The following SDK1 variants were observed in gnomAD, a reference collection of about 807,000 sequenced individuals.
SDK1 encodes the protein sidekick cell adhesion molecule 1, also known as protein sidekick-1.
In SDK1, 157 loss-of-function variants were observed where a neutral mutation model predicts 245.5. That is an observed-to-expected ratio of 0.64 (90% CI 0.56 to 0.73). The LOEUF (loss-of-function observed/expected upper bound fraction) is 0.73. Ranked by LOEUF, SDK1 falls within the 30% of genes least tolerant of loss-of-function variation. The pLI is 0.00. For missense variants in SDK1, 3,583 were observed against 3,002.3 expected (o/e 1.19, Z -4.52); for synonymous variants, 1,647 against 1,278.5 (o/e 1.29, Z -6.15).
intron 1 of SDK1, among the ~76,000 whole-genome samples, chr7:3,534,324 C>T (rs1203856182): frequency 6.6e-6 from 1 of 152,106 alleles, no homozygotes; most frequent in Non-Finnish European, 1.5e-5. Flanking sequence ...TGTGTCTTGG[C>T]TATTGTGGAT....
intron 5 of SDK1, among the ~76,000 whole-genome samples, chr7:3,927,878 C>T (rs960768730): frequency 6.6e-6 from 1 of 152,138 alleles, no homozygotes; most frequent in African/African-American, 2.4e-5. Context: ...AATGGTTGTT[C>T]CTCACCGCAG....
chr7:3,727,686 T>G (rs932913631), intron 4 of SDK1, among the ~76,000 whole-genome samples: 14 of 152,164 alleles, frequency 9.2e-5, no homozygotes, highest in African/African-American at 3.4e-4. Context: ...AGACGGGGTT[T>G]CACCATGTTG....
intron 31 of SDK1, among the ~76,000 whole-genome samples, chr7:4,159,143 C>T (rs1562367613): frequency 6.6e-6 from 1 of 152,196 alleles, no homozygotes; most frequent in African/African-American, 2.4e-5. Flanking sequence ...GGCTGGAAAC[C>T]CAGTACTTAG....
intron 2 of SDK1, among the ~76,000 whole-genome samples, chr7:3,623,233 A>G (rs377218867): frequency 6.7e-6 from 1 of 149,708 alleles, no homozygotes; most frequent in Non-Finnish European, 1.5e-5. Flanking sequence ...GTGAATTTCA[A>G]GTGTTGTATT....
chr7:4,068,110 A>C (rs1780016175), intron 20 of SDK1, among the ~76,000 whole-genome samples, 174 bp downstream of exon 20: 1 of 152,204 alleles, frequency 6.6e-6, no homozygotes, highest in African/African-American at 2.4e-5. Flanking sequence ...GGACTGCCCC[A>C]GTGAGAGCCA....
intron 4 of SDK1, among the ~76,000 whole-genome samples, chr7:3,764,817 G>C (rs1235024408): frequency 6.6e-6 from 1 of 152,004 alleles, no homozygotes; most frequent in Non-Finnish European, 1.5e-5. Flanking sequence ...TATGTAAATT[G>C]AATTCAGAAA....
chr7:3,504,158 A>C (rs192214211), intron 1 of SDK1, among the ~76,000 whole-genome samples: 28 of 149,238 alleles, frequency 1.9e-4, no homozygotes, highest in Middle Eastern at 3.5e-3. Flanking sequence ...TCAAAAAAAA[A>C]CCAAAAAAAT....
At chr7:3,994,347 G>C (rs904409355) in intron 14 of SDK1, among the ~76,000 whole-genome samples, 5 of 152,178 alleles carry the variant, frequency 3.3e-5, no homozygotes, top group Non-Finnish European at 7.3e-5. Context: ...TTCCAAGTTA[G>C]AGATAATGTC....
intron 1 of SDK1, among the ~76,000 whole-genome samples, chr7:3,352,587 C>A (rs1258104752): frequency 2.0e-5 from 3 of 152,126 alleles, no homozygotes; most frequent in African/African-American, 7.2e-5. Flanking sequence ...ATTTGAGGCT[C>A]AGACAAGCTG....
At chr7:3,893,548 G>A (rs993163448) in intron 5 of SDK1, among the ~76,000 whole-genome samples, 8 of 152,018 alleles carry the variant, frequency 5.3e-5, no homozygotes, top group African/African-American at 1.9e-4. Context: ...TTCAGGGTAA[G>A]CAACCTCACA....
chr7:3,729,098 T>G (rs1007018639), intron 4 of SDK1, among the ~76,000 whole-genome samples: 1 of 152,236 alleles, frequency 6.6e-6, no homozygotes, highest in Admixed American at 6.5e-5. Context: ...GGCAACATTG[T>G]CCTTGCCTGG....
At chr7:3,803,844 A>C (rs1779172785) in intron 4 of SDK1, among the ~76,000 whole-genome samples, 1 of 149,766 alleles carries the variant, frequency 6.7e-6, no homozygotes, top group African/African-American at 2.5e-5. Flanking sequence ...AGCTCACTGC[A>C]AGCTCCGCCT....
At chr7:3,916,480 T>C (rs1280077238) in intron 5 of SDK1, among the ~76,000 whole-genome samples, 1 of 152,214 alleles carries the variant, frequency 6.6e-6, no homozygotes, top group African/African-American at 2.4e-5. Context: ...AAGGGGTTTA[T>C]TTGAACTCTT....
At position 3,562,700 on chromosome 7, in the gene SDK1, CA is replaced by C. The variant is rs753337366; in HGVS notation, c.299-56379del. On this transcript the variant is annotated intron_variant, in intron 1 of 44. Coordinates refer to ENST00000404826, the MANE Select transcript of SDK1 (RefSeq NM_152744.4). Reference sequence around the variant, plus strand: ...CATTTTTAAGTGTACTGTTTGGTGGCACTAAGTGCAATCACGTTAAGTTCTG... The same window carrying C: ...CATTTTTAAGTGTACTGTTTGGTGGCCTAAGTGCAATCACGTTAAGTTCTG... 2.6e-5 allele frequency among the ~76,000 whole-genome samples: 4 copies of C among 152,164 alleles called. No individual in the cohort carries two copies. The South Asian group carries it at 8.3e-4, about 32-fold the overall frequency.
chr7:3,837,782 C>CTT (rs1246474270), intron 5 of SDK1, among the ~76,000 whole-genome samples: 1 of 152,120 alleles, frequency 6.6e-6, no homozygotes, highest in African/African-American at 2.4e-5. Flanking sequence ...TTAATTTAAA[C>CTT]TTTTTTATTT....
intron 22 of SDK1, among the ~76,000 whole-genome samples, chr7:4,083,267 C>G (rs1781178472): frequency 6.6e-6 from 1 of 151,888 alleles, no homozygotes; most frequent in Non-Finnish European, 1.5e-5. Context: ...CCCTCCCTAC[C>G]AACCCTCCCC....
chr7:3,558,468 A>G (rs1472565655), intron 1 of SDK1, among the ~76,000 whole-genome samples: 3 of 152,240 alleles, frequency 2.0e-5, no homozygotes, highest in Non-Finnish European at 4.4e-5. Flanking sequence ...AAAAGATCAT[A>G]GAGAAGATTA....
At chr7:3,530,364 T>C (rs1783301074) in intron 1 of SDK1, among the ~76,000 whole-genome samples, 1 of 152,194 alleles carries the variant, frequency 6.6e-6, no homozygotes, top group African/African-American at 2.4e-5. Flanking sequence ...GTTTATGGAT[T>C]TTATGTGTTT....
intron 25 of SDK1, among the ~76,000 whole-genome samples, chr7:4,116,163 C>T (rs1246673458): frequency 6.6e-6 from 1 of 152,170 alleles, no homozygotes; most frequent in Non-Finnish European, 1.5e-5. Context: ...AGGGCAGCCT[C>T]TGAGGACAGC....
Sources: allele counts gnomAD v4.1 joint callset (sites outside exome capture counted in the v4.1 genomes callset), GRCh38; gene constraint gnomAD v4.1.1; transcripts MANE v1.5; gene names NCBI Gene and HGNC (gene_info 2026-07-23, HGNC 2026-07-21).